ERBB4: variants seen among roughly 807,000 people sequenced by gnomAD.
The protein encoded by ERBB4 is erb-b2 receptor tyrosine kinase 4.
A neutral mutation model predicts 158.0 loss-of-function variants in ERBB4; 42 were observed. The observed-to-expected ratio is 0.27, with a 90% CI of 0.21 to 0.34. ERBB4 has a LOEUF of 0.34. Among genes scored for constraint, ERBB4 ranks in the 10% least tolerant of loss-of-function variants. The pLI is 1.00. For synonymous variants in ERBB4, 583 were observed against 558.7 expected (o/e 1.04, Z -0.61); for missense variants, 1,333 against 1,624.1 (o/e 0.82, Z 3.08).
chr2:211,511,688 C>T (rs184435036), intron 20 of ERBB4, among the ~76,000 whole-genome samples: 19 of 151,708 alleles, frequency 1.3e-4, no homozygotes, highest in African/African-American at 4.6e-4. Context: ...TAATTGTGAT[C>T]ATATCAAAAA....
At chr2:212,496,482 G>A (rs1186229866) in intron 1 of ERBB4, among the ~76,000 whole-genome samples, 2 of 152,062 alleles carry the variant, frequency 1.3e-5, no homozygotes, top group Non-Finnish European at 2.9e-5. Flanking sequence ...AAACTTACGG[G>A]CATTATATAT....
chr2:212,003,616 A>G (rs1336241227), intron 2 of ERBB4, among the ~76,000 whole-genome samples: 1 of 152,252 alleles, frequency 6.6e-6, no homozygotes, highest in Admixed American at 6.5e-5. Flanking sequence ...CGTATTGCAC[A>G]TGAAAAATAT....
intron 20 of ERBB4, among the ~76,000 whole-genome samples, chr2:211,451,902 G>A (rs1307230068): frequency 1.3e-5 from 2 of 152,148 alleles, no homozygotes; most frequent in Non-Finnish European, 2.9e-5. Context: ...GTACTCGAAA[G>A]TATTAGATAC....
At chr2:212,056,005 A>G (rs564331684) in intron 2 of ERBB4, among the ~76,000 whole-genome samples, 1 of 152,354 alleles carries the variant, frequency 6.6e-6, no homozygotes, top group African/African-American at 2.4e-5. Flanking sequence ...GTCTGAACCC[A>G]TCGCAAAGAA....
At chr2:212,383,031 T>C (rs1476341932) in intron 1 of ERBB4, among the ~76,000 whole-genome samples, 1 of 151,278 alleles carries the variant, frequency 6.6e-6, no homozygotes, top group Non-Finnish European at 1.5e-5. Context: ...TTTTATGTAG[T>C]TAATAAAAAC....
At chr2:211,835,546 G>A (rs1416196490) in intron 3 of ERBB4, among the ~76,000 whole-genome samples, 2 of 152,046 alleles carry the variant, frequency 1.3e-5, no homozygotes, top group Non-Finnish European at 2.9e-5. Flanking sequence ...TTCATCTTAT[G>A]ATGTATAATC....
At chr2:212,347,035 A>G (rs1379250714) in intron 1 of ERBB4, among the ~76,000 whole-genome samples, 1 of 152,126 alleles carries the variant, frequency 6.6e-6, no homozygotes, top group African/African-American at 2.4e-5. Flanking sequence ...CTTGTGTGGC[A>G]CTGCCTTATC....
chr2:211,799,646 GTTCTC>G (rs1359796697), intron 3 of ERBB4, among the ~76,000 whole-genome samples: 1 of 152,102 alleles, frequency 6.6e-6, no homozygotes, highest in Non-Finnish European at 1.5e-5. Flanking sequence ...CCAAATCTCA[GTTCTC>G]TTCTCTATAA....
intron 1 of ERBB4, among the ~76,000 whole-genome samples, chr2:212,355,972 A>G (rs1180598550): frequency 6.6e-6 from 1 of 151,948 alleles, no homozygotes; most frequent in African/African-American, 2.4e-5. Context: ...AGTCCCACTG[A>G]CGCTAAGGAA....
chr2:211,691,261 G>A (rs1321733136), intron 12 of ERBB4, among the ~76,000 whole-genome samples: 6 of 152,032 alleles, frequency 3.9e-5, no homozygotes, highest in Non-Finnish European at 2.9e-5. Context: ...TCTTTAAAGT[G>A]AACAGTAATA....
intron 1 of ERBB4, among the ~76,000 whole-genome samples, chr2:212,371,314 T>C (rs1054115999): frequency 6.6e-6 from 1 of 152,230 alleles, no homozygotes; most frequent in African/African-American, 2.4e-5. Flanking sequence ...TCTTGTTCAC[T>C]TTAAAAACTT....
intron 1 of ERBB4, among the ~76,000 whole-genome samples, chr2:212,421,277 A>G (rs1344374696): frequency 6.6e-6 from 1 of 150,644 alleles, no homozygotes; most frequent in Non-Finnish European, 1.5e-5. Flanking sequence ...TTGCTTACTT[A>G]CAATCAGATG....
At chr2:211,423,400 G>A (rs948214244) in intron 23 of ERBB4, among the ~76,000 whole-genome samples, 3 of 151,924 alleles carry the variant, frequency 2.0e-5, no homozygotes, top group African/African-American at 7.2e-5. Flanking sequence ...CTAACCCCGT[G>A]TAAATCAGAA....
chr2:212,255,013 T>G (rs2106063227), intron 1 of ERBB4, among the ~76,000 whole-genome samples: 1 of 152,306 alleles, frequency 6.6e-6, no homozygotes, highest in East Asian at 1.9e-4. Flanking sequence ...GTGTTATATC[T>G]TAATCCACCT....
At chr2:211,907,980 C>G (rs1387995067) in intron 3 of ERBB4, among the ~76,000 whole-genome samples, 1 of 151,776 alleles carries the variant, frequency 6.6e-6, no homozygotes, top group Non-Finnish European at 1.5e-5. Flanking sequence ...AGACTTCATA[C>G]TGAAACTTTA....
intron 1 of ERBB4, among the ~76,000 whole-genome samples, chr2:212,469,251 T>C (rs1320353876): frequency 6.6e-6 from 1 of 152,222 alleles, no homozygotes; most frequent in Non-Finnish European, 1.5e-5. Flanking sequence ...AAATAATCTT[T>C]TAAATGTTTA....
chr2:212,141,363 A>G (rs1313403347), intron 1 of ERBB4, among the ~76,000 whole-genome samples: 1 of 152,018 alleles, frequency 6.6e-6, no homozygotes, highest in Admixed American at 6.6e-5. Flanking sequence ...GGTTCCCTCC[A>G]TTTGTGACCC....
chr2:211,562,809 TC>T (rs1418289845), intron 19 of ERBB4, among the ~76,000 whole-genome samples: 1 of 145,746 alleles, frequency 6.9e-6, no homozygotes, highest in Non-Finnish European at 1.5e-5. Context: ...TCTCGCTCTG[TC>T]GCCCAGGCTG....
At chr2:211,950,758 A>C (rs933772876) in intron 2 of ERBB4, among the ~76,000 whole-genome samples, 1 of 152,124 alleles carries the variant, frequency 6.6e-6, no homozygotes, top group Non-Finnish European at 1.5e-5. Flanking sequence ...TGAAGGGATA[A>C]ATGCCTAGGA....
Sources: allele counts gnomAD v4.1 joint callset (sites outside exome capture counted in the v4.1 genomes callset), GRCh38; gene constraint gnomAD v4.1.1; transcripts MANE v1.5; gene names NCBI Gene and HGNC (gene_info 2026-07-23, HGNC 2026-07-21).